Variants in HENMT1 observed in about 807,000 individuals in gnomAD.
HENMT1 encodes the protein small RNA 2'-O-methyltransferase.
Under a neutral mutation model 31.1 loss-of-function variants are expected in HENMT1, and 27 were observed. The ratio of observed to expected loss-of-function variants is 0.87; its 90% CI spans 0.64 to 1.20. The LOEUF (loss-of-function observed/expected upper bound fraction) is 1.20. Among genes scored for constraint, HENMT1 ranks in the 50% most tolerant of loss-of-function variants. HENMT1 has a pLI of 0.00. For synonymous variants in HENMT1, 167 were observed against 172.2 expected (o/e 0.97, Z 0.24); for missense variants, 438 against 469.6 (o/e 0.93, Z 0.62).
intron 1 of HENMT1, 87 bp from the exon 2 acceptor site, chr1:108,660,049 C>T: frequency 2.0e-6 from 1 of 503,148 alleles, no homozygotes; most frequent in Non-Finnish European, 3.3e-6. Flanking sequence ...AAGCCTCTTT[C>T]TTACTCCTTA....
chr1:108,649,924 G>GGAGTGGCTC (rs892923756), intron 7 of HENMT1: 1 of 464,950 alleles, frequency 2.2e-6, no homozygotes, highest in Non-Finnish European at 4.0e-6. Context: ...AACATGCTAG[G>GGAGTGGCTC]ATCACAGGTG....
chr1:108,661,230 G>A (rs1658470855), upstream of HENMT1: 1 of 152,508 alleles, frequency 6.6e-6, no homozygotes, highest in African/African-American at 2.4e-5. Flanking sequence ...GCCTCATGGT[G>A]CGCCGAGCTC....
chr1:108,655,159 G>A (rs1467069910), intron 4 of HENMT1, among the ~76,000 whole-genome samples: 1 of 152,144 alleles, frequency 6.6e-6, no homozygotes, highest in African/African-American at 2.4e-5. Flanking sequence ...TTTAGAAAAA[G>A]AATATTCTTG....
Position 108,660,471 on chromosome 1 carries a change from G to A in HENMT1, c.-79+492C>T, listed in dbSNP as rs567827003. ...CCACACATCGTCAAAATGAAATTTC[G>A]AGGGGGAAAAAAAGTGTCCTTGATA... is the stretch of plus-strand genomic sequence containing the variant. On this transcript the variant is annotated intron_variant, in intron 1 of 7. Transcript: ENST00000651461. Among the ~76,000 whole-genome samples the A allele has an allele frequency of 8.6e-5, 13 of 151,918 alleles. 1 individual carries two copies. Among genetic ancestry groups the A allele is most frequent in the Admixed American group, 2.6e-4 (4 of 15,256 alleles).
In HENMT1 at chr1:108,651,137, CATGG is replaced by C; in HGVS notation, c.467_470del (p.Ser156Ter). ...CAGAGTTTGGTGTGCTGATGACAATCATGGATGGAGACAGGTACCCAAATACCAC... is the reference window on the plus strand; with the variant it reads ...CAGAGTTTGGTGTGCTGATGACAATCATGGAGACAGGTACCCAAATACCAC... On this transcript the variant is annotated frameshift_variant, in exon 6 of 8. Coordinates refer to ENST00000651461, the MANE Select transcript of HENMT1 (RefSeq NM_001102592.2). LOFTEE classifies it high-confidence loss of function. 1 of 1,613,964 alleles carries C rather than the reference CATGG, an allele frequency of 6.2e-7. No individual in the cohort carries two copies. Among genetic ancestry groups the C allele is most frequent in the Non-Finnish European group, 8.5e-7 (1 of 1,179,888 alleles).
chr1:108,660,638 A>ACC (rs1254358360), intron 1 of HENMT1, among the ~76,000 whole-genome samples: 2 of 152,094 alleles, frequency 1.3e-5, no homozygotes, highest in East Asian at 3.9e-4. Context: ...GTATTAAGAA[A>ACC]CCCTGGCCGG....
chr1:108,652,330 G>A (rs1374820411), intron 5 of HENMT1, among the ~76,000 whole-genome samples: 1 of 152,096 alleles, frequency 6.6e-6, no homozygotes, highest in Non-Finnish European at 1.5e-5. Context: ...AAGGTATCTA[G>A]GGTAACAGGA....
At chr1:108,659,321 G>A (rs1335672733) in intron 2 of HENMT1, among the ~76,000 whole-genome samples, 1 of 151,920 alleles carries the variant, frequency 6.6e-6, no homozygotes, top group Non-Finnish European at 1.5e-5. Context: ...CCGTGACTGG[G>A]CAAGTGCATT....
chr1:108,656,844 G>C (rs548442476), intron 3 of HENMT1, among the ~76,000 whole-genome samples: 1 of 152,276 alleles, frequency 6.6e-6, no homozygotes, highest in East Asian at 1.9e-4. Flanking sequence ...AAATGCTCTA[G>C]AAGTACGGTA....
intron 4 of HENMT1, 134 bp from the exon 5 acceptor site, chr1:108,654,984 T>C (rs1194523365): frequency 2.2e-6 from 2 of 896,578 alleles, no homozygotes; most frequent in Admixed American, 5.3e-5. Flanking sequence ...GTTTTCCTTG[T>C]CTTGACATAT....
At chr1:108,650,661 AACCCAACT>A (rs1658023729) in intron 6 of HENMT1, among the ~76,000 whole-genome samples, 1 of 152,218 alleles carries the variant, frequency 6.6e-6, no homozygotes, top group Admixed American at 6.5e-5. Flanking sequence ...ACAAGTGCTC[AACCCAACT>A]ACCCATTTGG....
chr1:108,648,569 A>G lies in HENMT1; in HGVS notation c.1179T>C (p.Phe393=). The change falls in exon 8 of 8, where the codon TTT becomes TTC. Residue 393 remains phenylalanine (F), a synonymous_variant. Transcript: ENST00000651461. ...LRNYFDEQFE[F] is the part of the protein sequence containing the mutation. ...AATTTCAGGAAATAAACATGGTTCA[A>G]AACTCAAACTGTTCATCAAAATAAT... 1 of 1,610,888 alleles carries G rather than the reference A, an allele frequency of 6.2e-7. No homozygotes were observed. The highest frequency in any genetic ancestry group is 8.5e-7 in the Non-Finnish European group (1 of 1,177,308).
intron 3 of HENMT1, among the ~76,000 whole-genome samples, chr1:108,656,615 G>T (rs971822630): frequency 2.0e-5 from 3 of 152,106 alleles, no homozygotes; most frequent in African/African-American, 7.2e-5. Flanking sequence ...CTGAGTAACT[G>T]GGACTATAGG....
chr1:108,649,209 G>T, intron 7 of HENMT1: 2 of 626,632 alleles, frequency 3.2e-6, no homozygotes, highest in Non-Finnish European at 2.9e-6. Context: ...AATGCCCAAT[G>T]TCTCCCAGCC....
intron 3 of HENMT1, among the ~76,000 whole-genome samples, chr1:108,656,285 A>T (rs1658236171): frequency 6.6e-6 from 1 of 152,186 alleles, no homozygotes; most frequent in Admixed American, 6.5e-5. Context: ...GTAGTGGTGG[A>T]GTTAAGGGAA....
At chr1:108,652,540 C>T (rs185287263) in intron 5 of HENMT1, among the ~76,000 whole-genome samples, 388 of 152,202 alleles carry the variant, frequency 2.5e-3, no homozygotes, top group African/African-American at 8.9e-3. Flanking sequence ...TTACCAAAAC[C>T]GGGTCTGACA....
Position 108,657,502 on chromosome 1 carries a change from T to C in HENMT1, c.99A>G (p.Arg33=), listed in dbSNP as rs11540220. 1 of 1,611,018 alleles carries C rather than the reference T, an allele frequency of 6.2e-7. No homozygotes were observed. Among genetic ancestry groups the C allele is most frequent in the Non-Finnish European group, 8.5e-7 (1 of 1,177,308 alleles). The change falls in exon 3 of 8, where the codon AGA becomes AGG. Residue 33 remains arginine, a synonymous_variant. Coordinates refer to ENST00000651461, the MANE Select transcript of HENMT1 (RefSeq NM_001102592.2). ...TAIQFKPPLY[R]QRYQFVKNLV... ...AATTTTTAACGAACTGGTACCGCTGTCTGTATAGTGGAGGTTTAAACTGAA... is the reference window on the plus strand; with the variant it reads ...AATTTTTAACGAACTGGTACCGCTGCCTGTATAGTGGAGGTTTAAACTGAA...
At chr1:108,660,858 A>G in intron 1 of HENMT1, 105 bp downstream of exon 1, 2 of 397,106 alleles carry the variant, frequency 5.0e-6, no homozygotes, top group Non-Finnish European at 6.8e-6. Flanking sequence ...CGGGAGGCGG[A>G]GCTTGCAGTG....
intron 2 of HENMT1, among the ~76,000 whole-genome samples, chr1:108,659,325 G>A (rs1009588117): frequency 4.0e-5 from 6 of 151,828 alleles, no homozygotes; most frequent in African/African-American, 1.5e-4. Context: ...GACTGGGCAA[G>A]TGCATTCCAG....
Sources: gnomAD v4.1 joint callset for allele counts (sites outside exome capture counted in the v4.1 genomes callset) on GRCh38, gnomAD v4.1.1 for gene constraint, MANE v1.5 for transcripts, NCBI Gene and HGNC (gene_info 2026-07-23, HGNC 2026-07-21) for gene names.